Variants in ATP6V1H observed in about 807,000 individuals in gnomAD.
ATP6V1H encodes V-type proton ATPase subunit H.
ATP6V1H carries 39 observed loss-of-function variants against 71.7 expected under a neutral mutation model. The observed-to-expected ratio is 0.54, with a 90% confidence interval of 0.42 to 0.71. The LOEUF is 0.71. Among genes scored for constraint, ATP6V1H ranks in the 30% least tolerant of loss-of-function variants. The probability of loss-of-function intolerance (pLI) is 0.00; values close to 1 mark genes in which losing one functional copy is unlikely to be tolerated. For missense variants in ATP6V1H, 509 were observed against 594.9 expected (o/e 0.86, Z 1.50); for synonymous variants, 192 against 199.3 (o/e 0.96, Z 0.31).
intron 2 of ATP6V1H, among the ~76,000 whole-genome samples, chr8:53,838,195 G>A (rs897994841): frequency 3.3e-5 from 5 of 150,768 alleles, no homozygotes; most frequent in Non-Finnish European, 5.9e-5. Context: ...GTGCAACCTC[G>A]GCTCACTGCA....
At chr8:53,822,579 G>A (rs1338932770) in intron 4 of ATP6V1H, among the ~76,000 whole-genome samples, 1 of 151,908 alleles carries the variant, frequency 6.6e-6, no homozygotes, top group Non-Finnish European at 1.5e-5. Context: ...TAATAAAAAT[G>A]CAAACAAAAC....
chr8:53,756,003 C>T (rs1195991927), intron 12 of ATP6V1H, among the ~76,000 whole-genome samples: 5 of 142,902 alleles, frequency 3.5e-5, no homozygotes, highest in African/African-American at 1.0e-4. Context: ...GTGATCCGCC[C>T]GCCTCGGCCT....
intron 11 of ATP6V1H, among the ~76,000 whole-genome samples, chr8:53,766,607 C>A (rs1808476304): frequency 6.6e-6 from 1 of 152,170 alleles, no homozygotes; most frequent in Non-Finnish European, 1.5e-5. Context: ...TCGCTGAATT[C>A]TTTTTCTCAG....
chr8:53,818,303 C>T (rs1810519248), intron 4 of ATP6V1H, among the ~76,000 whole-genome samples: 1 of 152,054 alleles, frequency 6.6e-6, no homozygotes, highest in South Asian at 2.1e-4. Flanking sequence ...TACTCGAGAA[C>T]AGGTGGTATT....
chr8:53,721,382 A>G (rs1002928910), intron 13 of ATP6V1H, among the ~76,000 whole-genome samples: 2 of 152,218 alleles, frequency 1.3e-5, no homozygotes, highest in East Asian at 3.8e-4. Context: ...TTCCAAGAGT[A>G]AGTACTATAT....
intron 2 of ATP6V1H, among the ~76,000 whole-genome samples, chr8:53,835,360 C>T (rs1462995705): frequency 6.6e-6 from 1 of 152,156 alleles, no homozygotes; most frequent in African/African-American, 2.4e-5. Context: ...GACAGCTTTC[C>T]CTGAGCCCAC....
At chr8:53,802,495 G>A (rs1376895078) in intron 7 of ATP6V1H, among the ~76,000 whole-genome samples, 1 of 152,132 alleles carries the variant, frequency 6.6e-6, no homozygotes, top group Non-Finnish European at 1.5e-5. Context: ...GAGGCGGGGG[G>A]ATTTCCTGAG....
chr8:53,717,580 A>G (rs950889055), intron 13 of ATP6V1H, among the ~76,000 whole-genome samples: 2 of 152,224 alleles, frequency 1.3e-5, no homozygotes, highest in African/African-American at 4.8e-5. Context: ...ATTTCCAACC[A>G]GAAGTTAAGT....
In ATP6V1H at chr8:53,722,216, G is replaced by A. The variant is rs141071438; in HGVS notation, c.1392-6192C>T. Among the ~76,000 whole-genome samples the A allele has an allele frequency of 2.8e-3, 422 of 152,272 alleles. 2 individuals are homozygous for A. Among genetic ancestry groups the A allele is most frequent in the African/African-American group, 9.6e-3 (400 of 41,550 alleles). The stretch of plus-strand genomic sequence containing the variant: ...GCTACTACCAGCCCTGTCACAGATC[G>A]GCAGCATCTTCTGTGCTTCATGGCT... On this transcript the variant is annotated intron_variant, in intron 13 of 13. Transcript: ENST00000359530.
intron 12 of ATP6V1H, among the ~76,000 whole-genome samples, chr8:53,755,371 C>T (rs1807968093): frequency 6.6e-6 from 1 of 151,534 alleles, no homozygotes; most frequent in South Asian, 2.1e-4. Flanking sequence ...GGGCCAAGTA[C>T]AAAAGGGACA....
intron 5 of ATP6V1H, 115 bp from the exon 6 acceptor site, chr8:53,814,881 C>G: frequency 1.7e-6 from 1 of 576,126 alleles, no homozygotes; most frequent in Non-Finnish European, 3.1e-6. Context: ...CACTCAACCC[C>G]TCTAAAAATA....
intron 9 of ATP6V1H, among the ~76,000 whole-genome samples, chr8:53,784,521 C>A (rs1017757832): frequency 3.3e-5 from 5 of 152,144 alleles, no homozygotes; most frequent in Non-Finnish European, 7.3e-5. Context: ...TTAATTGGAG[C>A]ATTTAGCCCA....
At chr8:53,786,509 G>C (rs1203767678) in intron 9 of ATP6V1H, among the ~76,000 whole-genome samples, 1 of 152,138 alleles carries the variant, frequency 6.6e-6, no homozygotes, top group Non-Finnish European at 1.5e-5. Context: ...GCCTCACCCT[G>C]CTTTGGCTCA....
At chr8:53,812,289 A>G (rs1810301252) in intron 6 of ATP6V1H, among the ~76,000 whole-genome samples, 2 of 152,208 alleles carry the variant, frequency 1.3e-5, no homozygotes, top group South Asian at 4.1e-4. Context: ...CACAATTTAA[A>G]GTCCACAACT....
intron 2 of ATP6V1H, among the ~76,000 whole-genome samples, chr8:53,835,005 G>A (rs1361364284): frequency 1.3e-5 from 2 of 152,060 alleles, no homozygotes; most frequent in South Asian, 2.1e-4. Flanking sequence ...AAAATAAGTT[G>A]GGTGTGGTGG....
rs201154750 is a variant in ATP6V1H at position 53,795,760 on chromosome 8, T to A, written c.757A>T (p.Ser253Cys). The change falls in exon 9 of 14, where the codon AGT (serine) becomes TGT (cysteine). Residue 253 changes from serine (S) to cysteine (C), a missense_variant. Coordinates refer to ENST00000359530, the MANE Select transcript of ATP6V1H (RefSeq NM_015941.4). The stretch of plus-strand genomic sequence containing the variant: ...CGCAGGTGTTCACACATTTGAGGAC[T>A]GAATGCCAGGAGCCATATTGAAAAA... Reference protein sequence around the residue: ...MIFSIWLLAFSPQMCEHLRRY... With the variant: ...MIFSIWLLAFCPQMCEHLRRY... 5 of 1,614,056 alleles carry A rather than the reference T, an allele frequency of 3.1e-6. No individual in the cohort carries two copies. The Admixed American group carries it at 6.7e-5, about 22-fold the overall frequency.
At chr8:53,823,803 G>A (rs868463421) in intron 4 of ATP6V1H, among the ~76,000 whole-genome samples, 1 of 152,072 alleles carries the variant, frequency 6.6e-6, no homozygotes, top group African/African-American at 2.4e-5. Context: ...TAGAAGAATG[G>A]AAATAAATTA....
At chr8:53,743,454 A>G (rs1585736786) in intron 13 of ATP6V1H, 123 bp downstream of exon 13, 2 of 747,560 alleles carry the variant, frequency 2.7e-6, no homozygotes, top group East Asian at 2.7e-5. Flanking sequence ...ATATTTCTAA[A>G]TTTTGAATCA....
chr8:53,801,374 A>C (rs1379402028), intron 8 of ATP6V1H, among the ~76,000 whole-genome samples: 1 of 152,230 alleles, frequency 6.6e-6, no homozygotes, highest in Non-Finnish European at 1.5e-5. Flanking sequence ...TATAAGCCTG[A>C]ACAGGCAGCT....
Sources: allele counts gnomAD v4.1 joint callset (sites outside exome capture counted in the v4.1 genomes callset), GRCh38; gene constraint gnomAD v4.1.1; transcripts MANE v1.5; gene names NCBI Gene and HGNC (gene_info 2026-07-23, HGNC 2026-07-21).